The following CFAP54 variants were observed in gnomAD, a reference collection of about 807,000 sequenced individuals.
CFAP54 encodes the protein cilia and flagella associated protein 54.
A neutral mutation model predicts 370.4 loss-of-function variants in CFAP54; 290 were observed. The ratio of observed to expected loss-of-function variants is 0.78; its 90% CI spans 0.71 to 0.86. The LOEUF is 0.86. Among genes scored for constraint, CFAP54 ranks in the 40% least tolerant of loss-of-function variants. CFAP54 has a pLI of 0.00. For missense variants in CFAP54, 3,399 were observed against 3,528.7 expected (o/e 0.96, Z 0.93); for synonymous variants, 1,206 against 1,236.5 (o/e 0.98, Z 0.52).
intron 63 of CFAP54, among the ~76,000 whole-genome samples, chr12:96,801,341 A>C (rs1958817649): frequency 6.6e-6 from 1 of 152,216 alleles, no homozygotes; most frequent in African/African-American, 2.4e-5. Context: ...AATAGAATAT[A>C]ATAGAACCAC....
chr12:96,874,612 C>CTTTTTTTTTTTTTTTTT lies in CFAP54; in HGVS notation c.*15-498_*15-497insTTTTTTTTTTTTTTTTT, dbSNP rs879517925. On this transcript the variant is annotated intron_variant, in intron 67 of 67. Transcript: ENST00000524981. ...GTTCTGTTCTGTTTTGGGATCTCTG[C>CTTTTTTTTTTTTTTTTT]TTTTTTTTATTTTTATTTTATTTTT... 2.5e-4 allele frequency among the ~76,000 whole-genome samples: 10 copies of CTTTTTTTTTTTTTTTTT among 40,058 alleles called. 3 individuals are homozygous for CTTTTTTTTTTTTTTTTT. Among genetic ancestry groups the CTTTTTTTTTTTTTTTTT allele is most frequent in the African/African-American group, 6.7e-4 (7 of 10,382 alleles). The allele number at this position is 40,058 out of a possible 152,430, so 26.3% of individuals were successfully genotyped here. A position where few individuals can be genotyped will look rare whatever the true frequency, so the allele number is the denominator to read the frequency against.
chr12:96,837,071 C>T (rs1004296314), intron 66 of CFAP54, among the ~76,000 whole-genome samples: 1 of 152,200 alleles, frequency 6.6e-6, no homozygotes, highest in Non-Finnish European at 1.5e-5. Flanking sequence ...ATCCTCCCAT[C>T]TTGTTCCCCC....
chr12:96,772,692 T>G (rs1223100598), intron 60 of CFAP54, among the ~76,000 whole-genome samples: 3 of 151,302 alleles, frequency 2.0e-5, no homozygotes, highest in Admixed American at 2.0e-4. Context: ...TAATCTCGGC[T>G]CACTGCAATC....
At chr12:96,593,309 C>T (rs1956145158) in intron 24 of CFAP54, among the ~76,000 whole-genome samples, 1 of 151,738 alleles carries the variant, frequency 6.6e-6, no homozygotes, top group Admixed American at 6.6e-5. Context: ...TTCTCTCTTT[C>T]CTTCTTTAGG....
intron 60 of CFAP54, among the ~76,000 whole-genome samples, chr12:96,770,188 ATGTGTG>A (rs57662567): frequency 2.7e-5 from 4 of 150,924 alleles, no homozygotes; most frequent in African/African-American, 7.3e-5. Context: ...TGAAGGTGGG[ATGTGTG>A]TGTGTGTGTG....
intron 26 of CFAP54, among the ~76,000 whole-genome samples, chr12:96,605,178 A>G (rs1956287770): frequency 6.6e-6 from 1 of 152,208 alleles, no homozygotes; most frequent in East Asian, 1.9e-4. Context: ...TTTAAACCCT[A>G]AAACATTAAT....
At chr12:96,609,630 A>G (rs569651067) in intron 26 of CFAP54, among the ~76,000 whole-genome samples, 35 of 152,302 alleles carry the variant, frequency 2.3e-4, no homozygotes, top group African/African-American at 7.2e-4. Context: ...TTAGAAAAGT[A>G]TAATTTATCT....
intron 45 of CFAP54, among the ~76,000 whole-genome samples, chr12:96,698,486 G>A (rs1592714000): frequency 6.6e-6 from 1 of 152,132 alleles, no homozygotes; most frequent in Non-Finnish European, 1.5e-5. Context: ...GGAATAATAT[G>A]CAGTCATAAA....
In CFAP54 at chr12:96,786,811, T is replaced by G. The variant is rs1684179826; in HGVS notation, c.8592T>G (p.Ser2864=). The change falls in exon 62 of 68, where the codon TCT becomes TCG. Residue 2864 remains serine, a synonymous_variant. Transcript: ENST00000524981. ...LKKFLQLYSS[S]CIDEFPKELL... Reference sequence around the variant, plus strand: ...AATTCTTACAGCTGTATTCTTCTTCTTGTATTGATGAATTTCCAAAAGAAC... The same window carrying G: ...AATTCTTACAGCTGTATTCTTCTTCGTGTATTGATGAATTTCCAAAAGAAC... 1 of 1,535,670 alleles carries G rather than the reference T, an allele frequency of 6.5e-7. No individual in the cohort carries two copies. The highest frequency in any genetic ancestry group is 1.2e-5 in the South Asian group (1 of 84,018).
chr12:96,751,619 A>T (rs896613210), intron 55 of CFAP54, among the ~76,000 whole-genome samples: 26 of 152,104 alleles, frequency 1.7e-4, no homozygotes, highest in Non-Finnish European at 3.7e-4. Context: ...AAAAGGGGAG[A>T]TGTTGAAATA....
At chr12:96,706,613 C>T (rs982087728) in intron 47 of CFAP54, among the ~76,000 whole-genome samples, 1 of 152,070 alleles carries the variant, frequency 6.6e-6, no homozygotes, top group Non-Finnish European at 1.5e-5. Context: ...AATGAAGAGC[C>T]ACTGGAGAGT....
chr12:96,594,182 C>A, intron 24 of CFAP54, 109 bp from the exon 25 acceptor site: 1 of 707,050 alleles, frequency 1.4e-6, no homozygotes, highest in Non-Finnish European at 2.1e-6. Flanking sequence ...AATACAAACA[C>A]TCATGTTGTT....
intron 66 of CFAP54, among the ~76,000 whole-genome samples, chr12:96,832,644 TC>T (rs1959174746): frequency 6.6e-6 from 1 of 152,224 alleles, no homozygotes; most frequent in Non-Finnish European, 1.5e-5. Context: ...GAATTATTCA[TC>T]CCCTAGTCAA....
intron 50 of CFAP54, among the ~76,000 whole-genome samples, chr12:96,739,389 A>C (rs2136638711): frequency 6.6e-6 from 1 of 152,344 alleles, no homozygotes; most frequent in Middle Eastern, 3.4e-3. Context: ...AGCAACAGGA[A>C]GTGAAGAATT....
At chr12:96,838,903 C>T (rs1187667456) in intron 66 of CFAP54, among the ~76,000 whole-genome samples, 2 of 152,202 alleles carry the variant, frequency 1.3e-5, no homozygotes, top group South Asian at 2.1e-4. Flanking sequence ...AAGACTTGCC[C>T]AAAGCCACAC....
intron 65 of CFAP54, among the ~76,000 whole-genome samples, chr12:96,823,621 G>A (rs1386946630): frequency 1.3e-5 from 2 of 152,220 alleles, no homozygotes; most frequent in Admixed American, 6.5e-5. Context: ...ACCAAGTGCA[G>A]TAGGAGTCTG....
chr12:96,499,157 C>T (rs889086048), intron 1 of CFAP54, among the ~76,000 whole-genome samples: 11 of 151,884 alleles, frequency 7.2e-5, no homozygotes, highest in South Asian at 2.1e-4. Flanking sequence ...TTAGTAGAGA[C>T]GGGGTTTCAC....
intron 19 of CFAP54, among the ~76,000 whole-genome samples, chr12:96,571,582 G>C (rs1206905259): frequency 6.6e-6 from 1 of 152,148 alleles, no homozygotes; most frequent in African/African-American, 2.4e-5. Context: ...CCTGTGATTA[G>C]AGAATGGTTT....
chr12:96,493,459 T>C (rs1389833858), intron 1 of CFAP54, among the ~76,000 whole-genome samples: 1 of 152,234 alleles, frequency 6.6e-6, no homozygotes, highest in Non-Finnish European at 1.5e-5. Context: ...CTTTATAGTC[T>C]AGAGAGGGAA....
Sources: allele counts gnomAD v4.1 joint callset (sites outside exome capture counted in the v4.1 genomes callset), GRCh38; gene constraint gnomAD v4.1.1; transcripts MANE v1.5; gene names NCBI Gene and HGNC (gene_info 2026-07-23, HGNC 2026-07-21).